The following GSE1 variants were observed in gnomAD, a reference collection of about 807,000 sequenced individuals.
The protein encoded by GSE1 is genetic suppressor element 1.
In GSE1, 32 loss-of-function variants were observed where a neutral mutation model predicts 112.6. The observed-to-expected ratio is 0.28, with a 90% CI of 0.21 to 0.38. GSE1 has a LOEUF of 0.38. Among genes scored for constraint, GSE1 ranks in the 10% least tolerant of loss-of-function variants. The pLI, the probability that GSE1 is intolerant of heterozygous loss-of-function variation, is 1.00. For missense variants in GSE1, 2,348 were observed against 1,699.2 expected (o/e 1.38, Z -6.71); for synonymous variants, 1,115 against 735.6 (o/e 1.52, Z -8.35).
At chr16:85,235,709 GC>G (rs1026215065) in intron 1 of GSE1, among the ~76,000 whole-genome samples, 3 of 151,734 alleles carry the variant, frequency 2.0e-5, no homozygotes, top group Admixed American at 2.0e-4. Flanking sequence ...TGGCGTTCTG[GC>G]CCCTTCCCCT....
chr16:85,175,280 T>C (rs1445375222), intron 1 of GSE1, among the ~76,000 whole-genome samples: 1 of 152,114 alleles, frequency 6.6e-6, no homozygotes, highest in Non-Finnish European at 1.5e-5. Context: ...GCCAGGGCTG[T>C]GTCTGGGGTG....
chr16:85,183,763 A>C (rs199861848), intron 1 of GSE1, among the ~76,000 whole-genome samples: 1 of 152,170 alleles, frequency 6.6e-6, no homozygotes, highest in East Asian at 1.9e-4. Flanking sequence ...ACAGATGTAC[A>C]GGCTGAGGCT....
intron 1 of GSE1, among the ~76,000 whole-genome samples, chr16:85,282,637 A>C: frequency 6.6e-6 from 1 of 152,156 alleles, no homozygotes. Flanking sequence ...AAAGCTGGGG[A>C]CACTCAGAGG....
chr16:85,478,962 TCTTTCC>T (rs2050585453), intron 2 of GSE1, among the ~76,000 whole-genome samples: 1 of 78,204 alleles, frequency 1.3e-5, no homozygotes, highest in Non-Finnish European at 2.3e-5. Flanking sequence ...TTTCTTTCTT[TCTTTCC>T]TTCCTTCCTT....
chr16:85,617,869 G>C (rs1213131327), intron 1 of GSE1, among the ~76,000 whole-genome samples: 1 of 152,100 alleles, frequency 6.6e-6, no homozygotes, highest in African/African-American at 2.4e-5. Context: ...GAATTGGATG[G>C]AGAACCCTGG....
At chr16:85,539,812 C>G (rs2044458968) in intron 2 of GSE1, among the ~76,000 whole-genome samples, 1 of 152,148 alleles carries the variant, frequency 6.6e-6, no homozygotes, top group Admixed American at 6.6e-5. Context: ...AGGCCTTAGT[C>G]CAGTGTGTTC....
At chr16:85,358,383 G>T (rs990865323) in intron 2 of GSE1, among the ~76,000 whole-genome samples, 1 of 152,142 alleles carries the variant, frequency 6.6e-6, no homozygotes, top group South Asian at 2.1e-4. Flanking sequence ...TAGGCCATAG[G>T]TTCGTCAGCA....
chr16:85,436,891 G>A (rs2049259555), intron 2 of GSE1, among the ~76,000 whole-genome samples: 1 of 152,250 alleles, frequency 6.6e-6, no homozygotes, highest in East Asian at 1.9e-4. Flanking sequence ...GCCCGGGACT[G>A]TGGGGGCGGG....
Position 85,600,973 on chromosome 16 carries a change from C to T in GSE1, c.37+44610C>T, listed in dbSNP as rs1324285637. ...AAGTGAGAATGCCAAAGCAACCCCT[C>T]GGTGGGAGGAGGGAAGGTCGGCTTC... On this transcript the variant is annotated intron_variant, in intron 1 of 2. Coordinates refer to the GSE1 transcript ENST00000635906. Among the ~76,000 whole-genome samples the T allele has an allele frequency of 7.3e-5, 11 of 151,426 alleles. 1 individual carries two copies. Among genetic ancestry groups the T allele is most frequent in the Admixed American group, 6.6e-4 (10 of 15,252 alleles).
intron 2 of GSE1, among the ~76,000 whole-genome samples, chr16:85,418,224 G>A (rs541163223): frequency 6.6e-6 from 1 of 152,360 alleles, no homozygotes; most frequent in African/African-American, 2.4e-5. Context: ...GGGGAAATGT[G>A]CTCCGGGAAG....
intron 2 of GSE1, among the ~76,000 whole-genome samples, chr16:85,505,363 T>C (rs2051504543): frequency 6.6e-6 from 1 of 152,170 alleles, no homozygotes; most frequent in African/African-American, 2.4e-5. Context: ...CTTCCACACA[T>C]GCCCACATCA....
intron 1 of GSE1, among the ~76,000 whole-genome samples, chr16:85,324,078 G>T (rs2046174276): frequency 6.6e-6 from 1 of 152,252 alleles, no homozygotes; most frequent in African/African-American, 2.4e-5. Flanking sequence ...AGGACGTGGA[G>T]AAGTTGGAAC....
intron 1 of GSE1, among the ~76,000 whole-genome samples, chr16:85,258,655 G>T (rs1033622010): frequency 6.6e-6 from 1 of 152,106 alleles, no homozygotes; most frequent in Non-Finnish European, 1.5e-5. Flanking sequence ...GGAGGGAGAG[G>T]GTTGTCAAAG....
chr16:85,412,902 G>T (rs2048612511), intron 2 of GSE1, among the ~76,000 whole-genome samples: 2 of 152,234 alleles, frequency 1.3e-5, no homozygotes, highest in Admixed American at 6.5e-5. Flanking sequence ...AGGGGGCCGT[G>T]ATCCAGCCCA....
intron 2 of GSE1, chr16:85,463,110 C>T: frequency 1.0e-6 from 1 of 985,226 alleles, no homozygotes; most frequent in South Asian, 4.7e-5. Flanking sequence ...CTGGTCGTCT[C>T]TGCTCCAGAA....
At chr16:85,432,486 T>G (rs2049145297) in intron 2 of GSE1, among the ~76,000 whole-genome samples, 2 of 152,226 alleles carry the variant, frequency 1.3e-5, no homozygotes, top group African/African-American at 4.8e-5. Flanking sequence ...GAGCTGCACA[T>G]CCCAGAACAC....
intron 2 of GSE1, among the ~76,000 whole-genome samples, chr16:85,519,394 CCAT>C (rs2052072092): frequency 3.0e-5 from 2 of 67,774 alleles, no homozygotes; most frequent in African/African-American, 6.3e-5. Context: ...ACCTTCACCA[CCAT>C]CATCACTTTT....
intron 2 of GSE1, among the ~76,000 whole-genome samples, chr16:85,535,256 G>C (rs989225436): frequency 6.6e-6 from 1 of 152,250 alleles, no homozygotes; most frequent in African/African-American, 2.4e-5. Context: ...GGAGCAGCCA[G>C]TTCAGAGCCA....
chr16:85,650,047 A>G (rs927646363), intron 3 of GSE1, among the ~76,000 whole-genome samples: 1 of 152,084 alleles, frequency 6.6e-6, no homozygotes, highest in African/African-American at 2.4e-5. Flanking sequence ...GAGGGGACAA[A>G]CCTGCCCAGG....
Sources: gnomAD v4.1 joint callset for allele counts (sites outside exome capture counted in the v4.1 genomes callset) on GRCh38, gnomAD v4.1.1 for gene constraint, MANE v1.5 for transcripts, NCBI Gene and HGNC (gene_info 2026-07-23, HGNC 2026-07-21) for gene names.